The following GLS variants were observed in gnomAD, a reference collection of about 807,000 sequenced individuals.
GLS encodes the protein glutaminase.
A neutral mutation model predicts 86.7 loss-of-function variants in GLS; 36 were observed. The ratio of observed to expected loss-of-function variants is 0.42; its 90% confidence interval spans 0.32 to 0.55. The LOEUF is 0.55. Among genes scored for constraint, GLS ranks in the 20% least tolerant of loss-of-function variants. GLS has a pLI of 0.17. For missense variants in GLS, 528 were observed against 833.4 expected (o/e 0.63, Z 4.51); for synonymous variants, 317 against 305.9 (o/e 1.04, Z -0.38).
chr2:190,959,308 A>G (rs1310900370), intron 17 of GLS, among the ~76,000 whole-genome samples: 2 of 143,782 alleles, frequency 1.4e-5, no homozygotes, highest in Non-Finnish European at 3.0e-5. Flanking sequence ...TTTTGAGCCT[A>G]TGTGTGTCTT....
At chr2:190,937,886 A>C (rs1441728536) in intron 14 of GLS, among the ~76,000 whole-genome samples, 1 of 146,394 alleles carries the variant, frequency 6.8e-6, no homozygotes, top group East Asian at 2.0e-4. Flanking sequence ...TAAATTACAG[A>C]ATACTTATTA....
Position 190,913,752 on chromosome 2 carries a change from G to T in GLS, c.1038+3431G>T. On this transcript the variant is annotated intron_variant, in intron 7 of 17. Coordinates refer to ENST00000320717, the MANE Select transcript of GLS (RefSeq NM_014905.5). The surrounding 1 kb of genome is among the most constrained non-coding windows in gnomAD (Gnocchi z 6.1). ...CCACACTTAATGCTTTTTCATGTTA[G>T]AAATAGTAAAAGTTACACTGTCTTC... The T allele has an allele frequency of 1.0e-6, 1 of 979,444 alleles. No individual in the cohort carries two copies. The highest frequency in any genetic ancestry group is 1.2e-6 in the Non-Finnish European group (1 of 824,572). 60.7% of individuals were successfully genotyped at this position (979,444 alleles called of 1,614,324 possible).
chr2:190,961,536 CAGA>C (rs959798700), intron 17 of GLS, among the ~76,000 whole-genome samples: 2 of 152,094 alleles, frequency 1.3e-5, no homozygotes, highest in East Asian at 1.9e-4. Context: ...CATTAATTCA[CAGA>C]AGAATTGTAA....
chr2:190,883,753 T>C (rs1688285440), intron 1 of GLS, among the ~76,000 whole-genome samples: 1 of 152,246 alleles, frequency 6.6e-6, no homozygotes, highest in Non-Finnish European at 1.5e-5. Context: ...CCTTTTGCTC[T>C]GCTGATAAAT....
At chr2:190,892,100 A>G (rs1688583400) in intron 1 of GLS, among the ~76,000 whole-genome samples, 1 of 152,192 alleles carries the variant, frequency 6.6e-6, no homozygotes, top group African/African-American at 2.4e-5. Flanking sequence ...TACTTCTTCT[A>G]GACTGTAAAT....
chr2:190,895,017 T>C lies in GLS; in HGVS notation c.387-135T>C, dbSNP rs930499970. 5 of 471,860 alleles carry C rather than the reference T, an allele frequency of 1.1e-5. No homozygotes were observed. Among genetic ancestry groups the C allele is most frequent in the Non-Finnish European group, 2.0e-5 (5 of 254,640 alleles). 29.2% of individuals were successfully genotyped at this position (471,860 alleles called of 1,614,324 possible). ...CTGATTTGATTTTGGTAAATCAACA[T>C]TTATTATGACTGTAGTCTTGAGTAT... On this transcript the variant is annotated intron_variant, in intron 1 of 17. Coordinates refer to ENST00000320717, the MANE Select transcript of GLS (RefSeq NM_014905.5). The surrounding 1 kb of genome is among the most constrained non-coding windows in gnomAD (Gnocchi z 4.2).
chr2:190,908,525 A>G (rs1689240833), intron 6 of GLS, among the ~76,000 whole-genome samples: 1 of 152,220 alleles, frequency 6.6e-6, no homozygotes. Flanking sequence ...TCAGTATAAC[A>G]CGCTCTGATA....
intron 6 of GLS, among the ~76,000 whole-genome samples, chr2:190,910,013 G>T (rs912792617): frequency 2.0e-5 from 3 of 152,152 alleles, no homozygotes; most frequent in African/African-American, 7.2e-5. Context: ...ACTTCAGCCT[G>T]GGCGACAGTC....
Position 190,954,495 on chromosome 2 carries a change from G to C in GLS, c.1713-89G>C. The C allele has an allele frequency of 1.3e-6, 1 of 798,740 alleles. No homozygotes were observed. Among genetic ancestry groups the C allele is most frequent in the Non-Finnish European group, 2.1e-6 (1 of 487,636 alleles). The allele number at this position is 798,740 out of a possible 1,614,324, so 49.5% of individuals were successfully genotyped here. A position where few individuals can be genotyped will look rare whatever the true frequency, so the allele number is the denominator to read the frequency against. ...CTTGATGAAGGATGGCACCTGACAGGGCCTTAAATGAACTGATGGAGTGAA... is the reference window on the plus strand; with the variant it reads ...CTTGATGAAGGATGGCACCTGACAGCGCCTTAAATGAACTGATGGAGTGAA... On this transcript the variant is annotated intron_variant, in intron 15 of 17. Coordinates refer to ENST00000320717, the MANE Select transcript of GLS (RefSeq NM_014905.5). The surrounding 1 kb of genome is among the most constrained non-coding windows in gnomAD (Gnocchi z 4.0).
Position 190,914,547 on chromosome 2 carries a change from C to A in GLS, c.1038+4226C>A, listed in dbSNP as rs1689461520. On this transcript the variant is annotated intron_variant, in intron 7 of 17. Transcript: ENST00000320717. The surrounding 1 kb of genome is among the most constrained non-coding windows in gnomAD (Gnocchi z 4.4). ...GATCTAGAAAAACATTCTTTTTTAC[C>A]TGGAGTGTCTTATTTTTTATTTTCC... Among the ~76,000 whole-genome samples the A allele has an allele frequency of 6.6e-6, 1 of 150,472 alleles. No homozygotes were observed. Among genetic ancestry groups the A allele is most frequent in the East Asian group, 2.0e-4 (1 of 5,122 alleles).
Position 190,913,631 on chromosome 2 carries a change from T to TA in GLS, c.1038+3315dup. The TA allele has an allele frequency of 1.0e-6, 1 of 975,648 alleles. No individual in the cohort carries two copies. Among genetic ancestry groups the TA allele is most frequent in the Non-Finnish European group, 1.2e-6 (1 of 820,966 alleles). 60.4% of individuals were successfully genotyped at this position (975,648 alleles called of 1,614,324 possible). On this transcript the variant is annotated intron_variant, in intron 7 of 17. Coordinates refer to ENST00000320717, the MANE Select transcript of GLS (RefSeq NM_014905.5). The surrounding 1 kb of genome is among the most constrained non-coding windows in gnomAD (Gnocchi z 6.1). ...TACGTATTTGTTTTCTTTTCACTGG[T>TA]AAAAATTTCACGTAGTTTTAGTTTA... is the stretch of plus-strand genomic sequence containing the variant.
At position 190,920,870 on chromosome 2, in the gene GLS, T is replaced by G. The variant is rs566191667; in HGVS notation, c.1039-154T>G. On this transcript the variant is annotated intron_variant, in intron 7 of 17. Coordinates refer to ENST00000320717, the MANE Select transcript of GLS (RefSeq NM_014905.5). The surrounding 1 kb of genome is among the most constrained non-coding windows in gnomAD (Gnocchi z 4.2). ...GTATTAAATAACATGAAAAAAAGTT[T>G]ATATAAATGTTAAATTACTTTAGAA... 2 of 538,082 alleles carry G rather than the reference T, an allele frequency of 3.7e-6. No individual in the cohort carries two copies. The highest frequency in any genetic ancestry group is 5.8e-5 in the East Asian group (2 of 34,594). The allele number at this position is 538,082 out of a possible 1,614,324, so 33.3% of individuals were successfully genotyped here.
chr2:190,945,544 G>T (rs1690555802), intron 14 of GLS, among the ~76,000 whole-genome samples: 1 of 151,842 alleles, frequency 6.6e-6, no homozygotes, highest in Non-Finnish European at 1.5e-5. Flanking sequence ...ACATGCTTGT[G>T]GTCCCAGCTG....
intron 1 of GLS, 180 bp downstream of exon 1, chr2:190,881,650 C>T (rs1332598665): frequency 3.5e-6 from 2 of 572,484 alleles, no homozygotes; most frequent in Admixed American, 4.2e-5. Context: ...CCGCGCCTTC[C>T]CCGCCCGCAA....
Position 190,905,972 on chromosome 2 carries a change from A to G in GLS, c.979+805A>G, listed in dbSNP as rs1397341703. 6.6e-6 allele frequency among the ~76,000 whole-genome samples: 1 copy of G among 152,134 alleles called. No homozygotes were observed. Among genetic ancestry groups the G allele is most frequent in the African/African-American group, 2.4e-5 (1 of 41,442 alleles). On this transcript the variant is annotated intron_variant, in intron 6 of 17. Transcript: ENST00000320717. The surrounding 1 kb of genome is among the most constrained non-coding windows in gnomAD (Gnocchi z 4.6). ...TTTTTTCTGCTGTATAAAAAATGAA[A>G]TGTGCCTTATACTCATTATTTTATT... is the stretch of plus-strand genomic sequence containing the variant.
chr2:190,935,502 GT>G lies in GLS; in HGVS notation c.1650+3872del, dbSNP rs1436016605. On this transcript the variant is annotated intron_variant, in intron 14 of 17. Coordinates refer to ENST00000320717, the MANE Select transcript of GLS (RefSeq NM_014905.5). The surrounding 1 kb of genome is among the most constrained non-coding windows in gnomAD (Gnocchi z 4.2). ...TTTAAAATGCAATATAGCATTAGTG[GT>G]TTTTTTGGGAGGAGGACTTTTCTTA... is the stretch of plus-strand genomic sequence containing the variant. 6.6e-6 allele frequency among the ~76,000 whole-genome samples: 1 copy of G among 151,030 alleles called. No homozygotes were observed. Among genetic ancestry groups the G allele is most frequent in the African/African-American group, 2.4e-5 (1 of 41,316 alleles).
At chr2:190,928,514 T>TAGTAGAGA (rs1689977028) in intron 12 of GLS, among the ~76,000 whole-genome samples, 3 of 151,796 alleles carry the variant, frequency 2.0e-5, no homozygotes, top group Admixed American at 2.0e-4. Context: ...TTTGTATTTT[T>TAGTAGAGA]AGTAGAGATG....
chr2:190,961,370 G>A (rs1690996093), intron 17 of GLS, among the ~76,000 whole-genome samples: 1 of 152,120 alleles, frequency 6.6e-6, no homozygotes, highest in Non-Finnish European at 1.5e-5. Context: ...GCTAATTTTT[G>A]TATTTTTAGT....
At position 190,945,434 on chromosome 2, in the gene GLS, G is replaced by C. The variant is rs1574616233; in HGVS notation, c.1651-8131G>C. On this transcript the variant is annotated intron_variant, in intron 14 of 17. Coordinates refer to ENST00000320717, the MANE Select transcript of GLS (RefSeq NM_014905.5). ...TCCCAGCACTTTGGGAGGGTGTCAG[G>C]AGGATTGCTTGAGCCCAGTAGTTTG... Among the ~76,000 whole-genome samples the C allele has an allele frequency of 2.6e-5, 4 of 152,162 alleles. No individual in the cohort carries two copies. In the East Asian group the frequency reaches 7.7e-4, roughly 29 times the overall value.
Sources: allele counts gnomAD v4.1 joint callset (sites outside exome capture counted in the v4.1 genomes callset), GRCh38; gene constraint gnomAD v4.1.1; non-coding constraint Gnocchi (gnomAD v3.1); transcripts MANE v1.5; gene names NCBI Gene and HGNC (gene_info 2026-07-23, HGNC 2026-07-21).